Variants in RHD observed in about 807,000 individuals in gnomAD.
RHD encodes the protein Rh blood group D antigen, also known as blood group Rh(D) polypeptide.
In RHD, 16 loss-of-function variants were observed where a neutral mutation model predicts 45.5. The ratio of observed to expected loss-of-function variants is 0.35; its 90% CI spans 0.24 to 0.53. The LOEUF (loss-of-function observed/expected upper bound fraction) is 0.53. Ranked by LOEUF, RHD falls within the 20% of genes least tolerant of loss-of-function variation. The pLI is 0.92. For synonymous variants in RHD, 131 were observed against 217.5 expected, an observed-to-expected ratio of 0.60 and a Z score of 3.50; for missense variants, 306 against 532.0, an observed-to-expected ratio of 0.58 and a Z score of 4.18.
chr1:25,307,416 A>G lies in RHD; in HGVS notation c.1073+687A>G, dbSNP rs562095009. 1.1e-4 allele frequency among the ~76,000 whole-genome samples: 14 copies of G among 132,374 alleles called. 4 individuals are homozygous for G. Among genetic ancestry groups the G allele is most frequent in the Admixed American group, 1.0e-3 (14 of 13,636 alleles). 86.8% of individuals were successfully genotyped at this position (132,374 alleles called of 152,430 possible). On this transcript the variant is annotated intron_variant, in intron 7 of 9. Transcript: ENST00000328664. ...ATTTTCTGGACATGGCTTATATAAA[A>G]TGAAAAAGTGAATTGGGCACGATAC...
In RHD at chr1:25,306,445, G is replaced by A. The variant is rs1300550733; in HGVS notation, c.940-151G>A. On this transcript the variant is annotated intron_variant, in intron 6 of 9. Transcript: ENST00000328664. Reference sequence around the variant, plus strand: ...TTCAACAAACTCCCCGATGATGTGAGTGCACATTCAAGTCTGAGAAGGGCT... The same window carrying A: ...TTCAACAAACTCCCCGATGATGTGAATGCACATTCAAGTCTGAGAAGGGCT... 89 of 765,886 alleles carry A rather than the reference G, an allele frequency of 1.2e-4. 15 individuals carry two copies. Among genetic ancestry groups the A allele is most frequent in the Non-Finnish European group, 1.9e-4 (83 of 444,318 alleles). The allele number at this position is 765,886 out of a possible 1,614,324, so 47.4% of individuals were successfully genotyped here. A position where few individuals can be genotyped will look rare whatever the true frequency, so the allele number is the denominator to read the frequency against.
chr1:25,305,925 T>C (rs980557174), intron 6 of RHD, among the ~76,000 whole-genome samples: 1 of 131,798 alleles, frequency 7.6e-6, no homozygotes, highest in African/African-American at 2.6e-5. Context: ...TGAAGACTAA[T>C]AGGGATTCTA....
At chr1:25,312,817 G>A (rs1214892148) in intron 7 of RHD, among the ~76,000 whole-genome samples, 2 of 116,732 alleles carry the variant, frequency 1.7e-5, no homozygotes, top group African/African-American at 5.7e-5. Flanking sequence ...CTACTCAGGA[G>A]GCTGAGACAG....
chr1:25,300,799 G>A lies in RHD; in HGVS notation c.487-147G>A, dbSNP rs1643324434. On this transcript the variant is annotated intron_variant, in intron 3 of 9. Coordinates refer to ENST00000328664, the MANE Select transcript of RHD (RefSeq NM_016124.6). ...ACTCCAGCCTGGGCAGAGCCTGCTGGGTTGGGCTGGGTAAGCTCTGAACAC... is the reference window on the plus strand; with the variant it reads ...ACTCCAGCCTGGGCAGAGCCTGCTGAGTTGGGCTGGGTAAGCTCTGAACAC... 7 of 917,088 alleles carry A rather than the reference G, an allele frequency of 7.6e-6. 1 individual carries two copies. The South Asian group carries it at 9.5e-5, about 12-fold the overall frequency. 56.8% of individuals were successfully genotyped at this position (917,088 alleles called of 1,614,324 possible).
At position 25,287,638 on chromosome 1, in the gene RHD, T is replaced by C. The variant is rs1465810857; in HGVS notation, c.335+2879T>C. On this transcript the variant is annotated intron_variant, in intron 2 of 9. Transcript: ENST00000328664. ...CTATCTTATTCAACGTTGTTGTTTG[T>C]TTTCCTCACATACTGATAACTTAGC... 4.4e-5 allele frequency among the ~76,000 whole-genome samples: 6 copies of C among 135,704 alleles called. 1 individual carries two copies. The highest frequency in any genetic ancestry group is 2.2e-4 in the South Asian group (1 of 4,558). 89.0% of individuals were successfully genotyped at this position (135,704 alleles called of 152,430 possible). A position where few individuals can be genotyped will look rare whatever the true frequency, so the allele number is the denominator to read the frequency against.
rs1460963124 is a variant in RHD at position 25,305,290 on chromosome 1, G to A, written c.940-1306G>A. 9.1e-5 allele frequency among the ~76,000 whole-genome samples: 12 copies of A among 132,376 alleles called. 2 individuals are homozygous for A. The highest frequency in any genetic ancestry group is 5.4e-5 in the Non-Finnish European group (3 of 55,982). The allele number at this position is 132,376 out of a possible 152,430, so 86.8% of individuals were successfully genotyped here. The stretch of plus-strand genomic sequence containing the variant: ...GAAACAGACATTCTAAAGGCATAGG[G>A]TCCACCCAGGAGCATGGTGGACCCA... On this transcript the variant is annotated intron_variant, in intron 6 of 9. Coordinates refer to ENST00000328664, the MANE Select transcript of RHD (RefSeq NM_016124.6).
chr1:25,312,938 A>C (rs1484709963), intron 7 of RHD, among the ~76,000 whole-genome samples: 1 of 107,268 alleles, frequency 9.3e-6, no homozygotes, highest in African/African-American at 2.9e-5. Context: ...AAAAAAAAAA[A>C]AAAAAAAAAA....
rs557746335 is a variant in RHD, at chr1:25,276,532, T to TAAA, written c.148+3858_148+3860dup. On this transcript the variant is annotated intron_variant, in intron 1 of 9. Transcript: ENST00000328664. ...ACATAGGGAGACCCCCCCCCATCTC[T>TAAA]AAAAAAAAAAAAAAAAAAAAAAACT... is the stretch of plus-strand genomic sequence containing the variant. Among the ~76,000 whole-genome samples, 61 of 64,782 alleles carry TAAA rather than the reference T, an allele frequency of 9.4e-4. 9 individuals are homozygous for TAAA. The highest frequency in any genetic ancestry group is 4.1e-3 in the African/African-American group (57 of 13,862). 42.5% of individuals were successfully genotyped at this position (64,782 alleles called of 152,430 possible).
In RHD at chr1:25,301,557, C is replaced by T. The variant is rs1444909596; in HGVS notation, c.672C>T (p.Asn224=). The T allele has an allele frequency of 2.2e-6, 3 of 1,379,592 alleles. 1 individual carries two copies. The highest frequency in any genetic ancestry group is 1.2e-5 in the South Asian group (1 of 84,948). 85.5% of individuals were successfully genotyped at this position (1,379,592 alleles called of 1,614,324 possible). Residue 224 remains asparagine (N), a synonymous_variant, in exon 5 of 10, where the codon AAC becomes AAT. Coordinates refer to ENST00000328664, the MANE Select transcript of RHD (RefSeq NM_016124.6). ...LFLWMFWPSF[N]SALLRSPIER... ...TGTGGATGTTCTGGCCAAGTTTCAA[C>T]TCTGCTCTGCTGAGAAGTCCAATCG...
rs1258930339 is a variant in RHD, at chr1:25,308,866, C to T, written c.1073+2137C>T. Among the ~76,000 whole-genome samples, 3 of 131,078 alleles carry T rather than the reference C, an allele frequency of 2.3e-5. No individual in the cohort carries two copies. In the East Asian group the frequency reaches 5.9e-4, roughly 26 times the overall value. 86.0% of individuals were successfully genotyped at this position (131,078 alleles called of 152,430 possible). ...ACCAGTGGTGAAGCCAGTCATGCAG[C>T]CTTAGTCCTGGTACTGAAACTCTCT... On this transcript the variant is annotated intron_variant, in intron 7 of 9. Coordinates refer to ENST00000328664, the MANE Select transcript of RHD (RefSeq NM_016124.6).
At chr1:25,287,132 C>T (rs1246091079) in intron 2 of RHD, among the ~76,000 whole-genome samples, 14 of 134,808 alleles carry the variant, frequency 1.0e-4, no homozygotes, top group African/African-American at 3.6e-4. Context: ...GAGTTAATTC[C>T]CACCAGAATT....
At chr1:25,322,166 A>C (rs575438328) in intron 9 of RHD, among the ~76,000 whole-genome samples, 1 of 131,262 alleles carries the variant, frequency 7.6e-6, no homozygotes, top group African/African-American at 2.6e-5. Context: ...AAAGGTCACC[A>C]TTTCCCTGAT....
chr1:25,289,217 G>A (rs1334808672), intron 2 of RHD, among the ~76,000 whole-genome samples: 1 of 132,112 alleles, frequency 7.6e-6, no homozygotes, highest in Non-Finnish European at 1.8e-5. Flanking sequence ...GTGTGTGTGA[G>A]GCAGTCTTAC....
At position 25,306,937 on chromosome 1, in the gene RHD, C is replaced by G. The variant is rs1335713663; in HGVS notation, c.1073+208C>G. ...ACCTCTCCAGGCCACCTCTTCTTTC[C>G]AAATAGGGCCACCTAGGTATAGACC... On this transcript the variant is annotated intron_variant, in intron 7 of 9. Transcript: ENST00000328664. The G allele has an allele frequency of 1.7e-4, 91 of 548,922 alleles. 16 individuals carry two copies. In the Admixed American group the frequency reaches 2.1e-3, roughly 13 times the overall value. The allele number at this position is 548,922 out of a possible 1,614,324, so 34.0% of individuals were successfully genotyped here.
At position 25,311,530 on chromosome 1, in the gene RHD, G is replaced by GA. The variant is rs1388339490; in HGVS notation, c.1073+4811dup. Among the ~76,000 whole-genome samples the GA allele has an allele frequency of 1.8e-3, 222 of 120,266 alleles. 55 individuals carry two copies. Among genetic ancestry groups the GA allele is most frequent in the Non-Finnish European group, 3.7e-3 (186 of 50,672 alleles). 78.9% of individuals were successfully genotyped at this position (120,266 alleles called of 152,430 possible). ...ACAGAGCAAAACTCCGTCTCAAAAA[G>GA]AAAAAAAAAAGGAAGAAAGAAAATT... On this transcript the variant is annotated intron_variant, in intron 7 of 9. Transcript: ENST00000328664.
intron 8 of RHD, among the ~76,000 whole-genome samples, chr1:25,319,569 A>C (rs1399675371): frequency 7.6e-6 from 1 of 132,344 alleles, no homozygotes; most frequent in African/African-American, 2.6e-5. Context: ...AGATCATGCC[A>C]CTGCACTCCA....
In RHD at chr1:25,319,898, C is replaced by CT. The variant is rs1290313358; in HGVS notation, c.1154-1981dup. Among the ~76,000 whole-genome samples, 41 of 125,710 alleles carry CT rather than the reference C, an allele frequency of 3.3e-4. 3 individuals are homozygous for CT. The highest frequency in any genetic ancestry group is 1.5e-3 in the South Asian group (6 of 4,066). 82.5% of individuals were successfully genotyped at this position (125,710 alleles called of 152,430 possible). A position where few individuals can be genotyped will look rare whatever the true frequency, so the allele number is the denominator to read the frequency against. Reference sequence around the variant, plus strand: ...AGAGCCTAACAGAGGAAGAGAAATTCTTTTTTTTTTCTTTTTTTAGACGCA... The same window carrying CT: ...AGAGCCTAACAGAGGAAGAGAAATTCTTTTTTTTTTTCTTTTTTTAGACGCA... On this transcript the variant is annotated intron_variant, in intron 8 of 9. Transcript: ENST00000328664.
In RHD at chr1:25,290,696, T is replaced by C. The variant is rs1359213179; in HGVS notation, c.391T>C (p.Leu131=). ...LSVLISVDAV[L]GKVNLAQLVV... is the part of the protein sequence containing the mutation. ...GGTGCTGATCTCAGTGGATGCTGTC[T>C]TGGGGAAGGTCAACTTGGCGCAGTT... Residue 131 remains leucine (L), a synonymous_variant, in exon 3 of 10, where the codon TTG becomes CTG. Coordinates refer to ENST00000328664, the MANE Select transcript of RHD (RefSeq NM_016124.6). 81 of 1,377,988 alleles carry C rather than the reference T, an allele frequency of 5.9e-5. 19 individuals are homozygous for C. Among genetic ancestry groups the C allele is most frequent in the Non-Finnish European group, 8.0e-5 (78 of 978,194 alleles). 85.4% of individuals were successfully genotyped at this position (1,377,988 alleles called of 1,614,324 possible).
intron 2 of RHD, among the ~76,000 whole-genome samples, chr1:25,285,716 C>T (rs1457460852): frequency 7.4e-6 from 1 of 135,176 alleles, no homozygotes. Flanking sequence ...AAGCTATACA[C>T]GTTTTAAAAG....
Sources: allele counts gnomAD v4.1 joint callset (sites outside exome capture counted in the v4.1 genomes callset), GRCh38; gene constraint gnomAD v4.1.1; transcripts MANE v1.5; gene names NCBI Gene and HGNC (gene_info 2026-07-23, HGNC 2026-07-21).